The following RABEP1 variants were observed in gnomAD, a reference collection of about 807,000 sequenced individuals.
The protein encoded by RABEP1 is rabaptin, RAB GTPase binding effector protein 1.
In RABEP1, 51 loss-of-function variants were observed where a neutral mutation model predicts 123.4. The observed-to-expected ratio is 0.41, with a 90% CI of 0.33 to 0.52. RABEP1 has a LOEUF of 0.52. Among genes scored for constraint, RABEP1 ranks in the 20% least tolerant of loss-of-function variants. The pLI, the probability that RABEP1 is intolerant of heterozygous loss-of-function variation, is 0.16. For missense variants in RABEP1, 888 were observed against 996.3 expected (o/e 0.89, Z 1.46); for synonymous variants, 347 against 355.2 (o/e 0.98, Z 0.26).
intron 17 of RABEP1, 92 bp downstream of exon 17, chr17:5,381,597 A>G (rs1411054721): frequency 1.3e-6 from 2 of 1,487,042 alleles, no homozygotes; most frequent in Non-Finnish European, 1.8e-6. Context: ...GGCAGTAGCT[A>G]GAGGTTTAGA....
chr17:5,373,119 T>C (rs1910654801), intron 12 of RABEP1, among the ~76,000 whole-genome samples, 195 bp from the exon 13 acceptor site: 3 of 152,144 alleles, frequency 2.0e-5, no homozygotes, highest in African/African-American at 4.8e-5. Context: ...GATACTTGCT[T>C]CATTGCCTGT....
At chr17:5,309,436 C>T (rs1367831749) in intron 2 of RABEP1, among the ~76,000 whole-genome samples, 1 of 150,632 alleles carries the variant, frequency 6.6e-6, no homozygotes, top group Non-Finnish European at 1.5e-5. Context: ...GGCGGATCAC[C>T]TGAGGTCGGG....
intron 12 of RABEP1, among the ~76,000 whole-genome samples, chr17:5,372,900 C>T (rs952948036): frequency 3.9e-5 from 6 of 152,116 alleles, no homozygotes; most frequent in African/African-American, 1.4e-4. Context: ...GCTGGGATTA[C>T]AGGCACCCCG....
In RABEP1 at chr17:5,386,134, C is replaced by A. The variant is rs1911942006; in HGVS notation, c.*2911C>A. 8.9e-7 allele frequency: 1 copy of A among 1,120,076 alleles called. No homozygotes were observed. The allele number at this position is 1,120,076 out of a possible 1,614,324, so 69.4% of individuals were successfully genotyped here. ...ACACCTTTTTATAAATTAGATAATT[C>A]TACCTGTTTTACAATATGGGTTTAA... On this transcript the variant is annotated 3_prime_UTR_variant, in exon 18 of 18. Coordinates refer to ENST00000537505, the MANE Select transcript of RABEP1 (RefSeq NM_004703.6).
chr17:5,363,619 T>C (rs761397092), intron 10 of RABEP1, among the ~76,000 whole-genome samples: 2 of 152,188 alleles, frequency 1.3e-5, no homozygotes, highest in Admixed American at 1.3e-4. Flanking sequence ...CTAAAAGTGA[T>C]TTTAAGTACA....
At chr17:5,377,451 T>C in intron 14 of RABEP1, 146 bp downstream of exon 14, 1 of 495,186 alleles carries the variant, frequency 2.0e-6, no homozygotes, top group Non-Finnish European at 3.4e-6. Flanking sequence ...GTAGATATTC[T>C]GATATATTCA....
chr17:5,331,672 A>T (rs1906559266), intron 2 of RABEP1, among the ~76,000 whole-genome samples: 1 of 152,166 alleles, frequency 6.6e-6, no homozygotes, highest in Admixed American at 6.6e-5. Context: ...CAGATGTGGA[A>T]ACTTAGGCCA....
intron 1 of RABEP1, among the ~76,000 whole-genome samples, chr17:5,295,320 T>C (rs1158187138): frequency 6.7e-6 from 1 of 149,066 alleles, no homozygotes; most frequent in Non-Finnish European, 1.5e-5. Context: ...ACCCAGGAGG[T>C]GGAGGTTGCC....
rs188984220 is a variant in RABEP1 at position 5,301,132 on chromosome 17, A to G, written c.35-7562A>G. 3.6e-4 allele frequency among the ~76,000 whole-genome samples: 55 copies of G among 152,298 alleles called. 1 individual carries two copies. In the East Asian group the frequency reaches 9.9e-3, roughly 27 times the overall value. ...CTTGCCTCTGGTGCTGCTGGCCTAT[A>G]GAAATTCACTTTAATGCTGTTGTCT... is the stretch of plus-strand genomic sequence containing the variant. On this transcript the variant is annotated intron_variant, in intron 1 of 17. Coordinates refer to ENST00000537505, the MANE Select transcript of RABEP1 (RefSeq NM_004703.6).
At position 5,336,685 on chromosome 17, in the gene RABEP1, T is replaced by C. The variant is rs555181266; in HGVS notation, c.529-1334T>C. ...TTATATTAATAAATAACTTGATTTG[T>C]GATCAGTTCTTTGCTTCCTCCCTCC... On this transcript the variant is annotated intron_variant, in intron 4 of 17. Transcript: ENST00000537505. 16 of 271,946 alleles carry C rather than the reference T, an allele frequency of 5.9e-5. No individual in the cohort carries two copies. In the East Asian group the frequency reaches 1.4e-3, roughly 24 times the overall value. The allele number at this position is 271,946 out of a possible 1,614,324, so 16.8% of individuals were successfully genotyped here. A position where few individuals can be genotyped will look rare whatever the true frequency, so the allele number is the denominator to read the frequency against.
chr17:5,314,937 G>A (rs1052187531), intron 2 of RABEP1, among the ~76,000 whole-genome samples: 1 of 152,186 alleles, frequency 6.6e-6, no homozygotes, highest in Non-Finnish European at 1.5e-5. Flanking sequence ...GAAATTTGTA[G>A]TGTTGGCAAT....
intron 15 of RABEP1, among the ~76,000 whole-genome samples, chr17:5,379,625 T>G (rs1911286403): frequency 6.6e-6 from 1 of 152,112 alleles, no homozygotes; most frequent in Non-Finnish European, 1.5e-5. Context: ...CGAAATAACA[T>G]CTCATCCTTT....
intron 2 of RABEP1, among the ~76,000 whole-genome samples, chr17:5,319,449 C>T (rs1010794823): frequency 2.0e-5 from 3 of 151,958 alleles, no homozygotes; most frequent in Non-Finnish European, 4.4e-5. Context: ...TCACTGCAAC[C>T]TCTGCCTCCC....
At position 5,386,228 on chromosome 17, in the gene RABEP1, A is replaced by G. The variant is rs1319281121; in HGVS notation, c.*3005A>G. On this transcript the variant is annotated 3_prime_UTR_variant, in exon 18 of 18. Coordinates refer to ENST00000537505, the MANE Select transcript of RABEP1 (RefSeq NM_004703.6). The stretch of plus-strand genomic sequence containing the variant: ...GTGTCAGAAGTTTACATGATTGCGG[A>G]TATCATTGATTTGCTTCACCATTTC... 1 of 1,613,512 alleles carries G rather than the reference A, an allele frequency of 6.2e-7. No individual in the cohort carries two copies. Among genetic ancestry groups the G allele is most frequent in the Non-Finnish European group, 8.5e-7 (1 of 1,179,792 alleles).
chr17:5,374,699 G>C (rs1014621116), intron 13 of RABEP1, among the ~76,000 whole-genome samples: 21 of 152,064 alleles, frequency 1.4e-4, no homozygotes, highest in Admixed American at 1.1e-3. Flanking sequence ...GAGTGCAGTG[G>C]CGCAACCTAG....
chr17:5,352,922 C>T (rs1908685366), intron 7 of RABEP1, among the ~76,000 whole-genome samples: 1 of 152,206 alleles, frequency 6.6e-6, no homozygotes, highest in Admixed American at 6.5e-5. Context: ...TATGTGCTAG[C>T]ATTGTGCTAA....
At chr17:5,367,618 G>C (rs928745154) in intron 11 of RABEP1, among the ~76,000 whole-genome samples, 2 of 150,612 alleles carry the variant, frequency 1.3e-5, no homozygotes, top group African/African-American at 4.8e-5. Flanking sequence ...ATTTCTGTAT[G>C]ACTTGGTGAA....
chr17:5,289,227 T>C (rs933636196), intron 1 of RABEP1, among the ~76,000 whole-genome samples: 4 of 152,106 alleles, frequency 2.6e-5, no homozygotes, highest in Admixed American at 6.6e-5. Flanking sequence ...CTTTCTTTTG[T>C]GGCTTGTCTG....
chr17:5,364,147 G>A (rs1909812850), intron 10 of RABEP1, among the ~76,000 whole-genome samples: 1 of 152,226 alleles, frequency 6.6e-6, no homozygotes, highest in African/African-American at 2.4e-5. Context: ...CAAAACTAAT[G>A]TAGTTGGCCC....
Sources: allele counts gnomAD v4.1 joint callset (sites outside exome capture counted in the v4.1 genomes callset), GRCh38; gene constraint gnomAD v4.1.1; transcripts MANE v1.5; gene names NCBI Gene and HGNC (gene_info 2026-07-23, HGNC 2026-07-21).